The following SRR variants were observed in gnomAD, a reference collection of about 807,000 sequenced individuals.
The protein encoded by SRR is D-serine ammonia-lyase.
Under a neutral mutation model 32.7 loss-of-function variants are expected in SRR, and 19 were observed. The observed-to-expected ratio is 0.58, with a 90% CI of 0.40 to 0.85. The LOEUF is 0.85. Ranked by LOEUF, SRR falls within the 40% of genes least tolerant of loss-of-function variation. SRR has a pLI of 0.00. For missense variants in SRR, 373 were observed against 404.7 expected (o/e 0.92, Z 0.67); for synonymous variants, 142 against 140.9 (o/e 1.01, Z -0.06).
intron 1 of SRR, chr17:2,309,991 G>A (rs965390805): frequency 6.6e-6 from 1 of 152,176 alleles, no homozygotes; most frequent in African/African-American, 2.4e-5. Flanking sequence ...AGCAGCAGAG[G>A]TGAGAGACTA....
At chr17:2,320,554 C>A (rs968574332) in intron 4 of SRR, among the ~76,000 whole-genome samples, 6 of 148,450 alleles carry the variant, frequency 4.0e-5, no homozygotes, top group Admixed American at 6.8e-5. Context: ...GTGCCTGGTC[C>A]CTCATCTTCT....
Position 2,315,694 on chromosome 17 carries a change from A to G in SRR, c.134A>G (p.Lys45Arg), listed in dbSNP as rs751680835. 4.8e-5 allele frequency: 78 copies of G among 1,613,952 alleles called. No homozygotes were observed. The highest frequency in any genetic ancestry group is 6.4e-5 in the Non-Finnish European group (75 of 1,180,024). The change falls in exon 2 of 8, where the codon AAA (lysine) becomes AGA (arginine). Residue 45 changes from lysine to arginine, a missense_variant. Coordinates refer to ENST00000344595, the MANE Select transcript of SRR (RefSeq NM_021947.3). ...CTAACAGGGCGCAATCTTTTCTTCA[A>G]ATGTGAACTCTTCCAGAAAACAGGA... ...NQLTGRNLFF[K>R]CELFQKTGSF...
Position 2,323,876 on chromosome 17 carries a change from T to C in SRR, c.*3T>C. 1.2e-6 allele frequency: 2 copies of C among 1,611,822 alleles called. No homozygotes were observed. Among genetic ancestry groups the C allele is most frequent in the Non-Finnish European group, 1.7e-6 (2 of 1,178,136 alleles). Reference sequence around the variant, plus strand: ...CTTATCAGTCTGTTTCTGTTTAATTTACAGAAAAGGAAATGGTGGGAATTC... The same window carrying C: ...CTTATCAGTCTGTTTCTGTTTAATTCACAGAAAAGGAAATGGTGGGAATTC... On this transcript the variant is annotated 3_prime_UTR_variant, in exon 8 of 8. Transcript: ENST00000344595.
At chr17:2,304,065 T>G (rs201300945) in intron 1 of SRR, 48 bp downstream of exon 1, 1 of 201,406 alleles carries the variant, frequency 5.0e-6, no homozygotes, top group Non-Finnish European at 9.8e-6. Flanking sequence ...TTTGCGGCGG[T>G]GGCTGCCGTT....
At chr17:2,314,851 T>C (rs1028678638) in intron 1 of SRR, among the ~76,000 whole-genome samples, 1 of 151,766 alleles carries the variant, frequency 6.6e-6, no homozygotes, top group African/African-American at 2.4e-5. Context: ...TCAAATAATT[T>C]GTTAAATTTT....
chr17:2,303,478 G>C, upstream of SRR: 1 of 1,327,582 alleles, frequency 7.5e-7, no homozygotes, highest in Non-Finnish European at 9.6e-7. Flanking sequence ...CGCGAGAGAG[G>C]TAGGGCAGCG....
At chr17:2,317,335 C>A (rs1339056541) in intron 2 of SRR, among the ~76,000 whole-genome samples, 2 of 150,802 alleles carry the variant, frequency 1.3e-5, no homozygotes, top group African/African-American at 2.4e-5. Flanking sequence ...CACGGGGAAA[C>A]CCCGTCGCTA....
In SRR at chr17:2,318,755, C is replaced by A. The variant is rs940116755; in HGVS notation, c.296-71C>A. The A allele has an allele frequency of 2.0e-5, 22 of 1,109,690 alleles. No homozygotes were observed. The Admixed American group carries it at 2.2e-4, about 11-fold the overall frequency. The allele number at this position is 1,109,690 out of a possible 1,614,324, so 68.7% of individuals were successfully genotyped here. A position where few individuals can be genotyped will look rare whatever the true frequency, so the allele number is the denominator to read the frequency against. On this transcript the variant is annotated intron_variant, in intron 3 of 7. Transcript: ENST00000344595. ...AAAGTGCTGGGATTACAGGTGTGAC[C>A]CACCGTGCCTGGCCACATAAGTTTC...
intron 4 of SRR, among the ~76,000 whole-genome samples, chr17:2,319,799 A>G (rs185980224): frequency 6.6e-6 from 1 of 151,068 alleles, no homozygotes. Flanking sequence ...TCTCCATTTA[A>G]TAAAGTCAGA....
chr17:2,315,705 T>G lies in SRR; in HGVS notation c.145T>G (p.Phe49Val). 1.2e-6 allele frequency: 2 copies of G among 1,614,020 alleles called. No individual in the cohort carries two copies. Among genetic ancestry groups the G allele is most frequent in the Non-Finnish European group, 1.7e-6 (2 of 1,180,000 alleles). ...GRNLFFKCELFQKTGSFKIRG... is the reference protein window; with the variant it reads ...GRNLFFKCELVQKTGSFKIRG... ...CAATCTTTTCTTCAAATGTGAACTC[T>G]TCCAGAAAACAGGATCTTTTAAGGT... Residue 49 changes from phenylalanine to valine, a missense_variant, in exon 2 of 8, where the codon TTC becomes GTC. Coordinates refer to ENST00000344595, the MANE Select transcript of SRR (RefSeq NM_021947.3).
chr17:2,311,041 C>T (rs917329865), intron 1 of SRR, among the ~76,000 whole-genome samples: 4 of 151,782 alleles, frequency 2.6e-5, no homozygotes, highest in South Asian at 2.1e-4. Flanking sequence ...CCACCACGCC[C>T]GGCCAATTTT....
chr17:2,306,100 C>G (rs543216327), intron 1 of SRR, among the ~76,000 whole-genome samples: 1 of 148,450 alleles, frequency 6.7e-6, no homozygotes, highest in African/African-American at 2.5e-5. Flanking sequence ...GGCAGATTGC[C>G]TGAGCTCAGG....
At chr17:2,323,472 C>T (rs1236974031) in intron 7 of SRR, 127 bp downstream of exon 7, 3 of 1,193,450 alleles carry the variant, frequency 2.5e-6, no homozygotes, top group East Asian at 2.4e-5. Context: ...TGGGAGGGTA[C>T]CCTAGATGTA....
In SRR at chr17:2,303,976, G is replaced by T. The variant is rs1567770803; in HGVS notation, c.-46G>T. ...TGCGCAGAGGTGCGGCCGGGGAGGC[G>T]CGCGGAGGCTGGAGCTGGAGGCGCG... On this transcript the variant is annotated 5_prime_UTR_variant, in exon 1 of 8. Coordinates refer to ENST00000344595, the MANE Select transcript of SRR (RefSeq NM_021947.3). 2 of 367,744 alleles carry T rather than the reference G, an allele frequency of 5.4e-6. No individual in the cohort carries two copies. Among genetic ancestry groups the T allele is most frequent in the Admixed American group, 4.9e-5 (1 of 20,396 alleles). The allele number at this position is 367,744 out of a possible 1,614,324, so 22.8% of individuals were successfully genotyped here.
chr17:2,321,737 G>T, intron 6 of SRR, 121 bp downstream of exon 6: 1 of 874,672 alleles, frequency 1.1e-6, no homozygotes. Flanking sequence ...TATTCCTTTG[G>T]GACTTGAGAT....
Position 2,324,945 on chromosome 17 carries a change from C to A in SRR, c.*1072C>A. On this transcript the variant is annotated 3_prime_UTR_variant, in exon 8 of 8. Transcript: ENST00000344595. ...CTGGTTTGTCATCCCTGCCCTAGCC[C>A]AATCTGAGGCTAAGATTGGTAAACT... is the stretch of plus-strand genomic sequence containing the variant. 1.7e-6 allele frequency: 2 copies of A among 1,173,624 alleles called. No individual in the cohort carries two copies. Among genetic ancestry groups the A allele is most frequent in the Non-Finnish European group, 2.3e-6 (2 of 856,586 alleles). 72.7% of individuals were successfully genotyped at this position (1,173,624 alleles called of 1,614,324 possible).
chr17:2,319,821 C>CTTT (rs397701831), intron 4 of SRR, among the ~76,000 whole-genome samples: 7 of 133,374 alleles, frequency 5.2e-5, no homozygotes, highest in Non-Finnish European at 7.8e-5. Flanking sequence ...CTTGTCTCTT[C>CTTT]TTTTTTTTTT....
intron 1 of SRR, among the ~76,000 whole-genome samples, chr17:2,304,577 T>A (rs1174487237): frequency 6.6e-6 from 1 of 151,178 alleles, no homozygotes; most frequent in East Asian, 2.0e-4. Context: ...TACGATATAG[T>A]TGGAATCGTG....
At chr17:2,303,664 C>T, upstream of SRR, 1 of 1,493,222 alleles carries the variant, frequency 6.7e-7, no homozygotes, top group Non-Finnish European at 8.9e-7. Context: ...CCAGAGTAGC[C>T]AGGATCCCGC....
Sources: allele counts gnomAD v4.1 joint callset (sites outside exome capture counted in the v4.1 genomes callset), GRCh38; gene constraint gnomAD v4.1.1; transcripts MANE v1.5; gene names NCBI Gene and HGNC (gene_info 2026-07-23, HGNC 2026-07-21).